The following CNBD1 variants were observed in gnomAD, a reference collection of about 807,000 sequenced individuals.
CNBD1 encodes cyclic nucleotide-binding domain-containing protein 1.
A neutral mutation model predicts 54.4 loss-of-function variants in CNBD1; 71 were observed. The observed-to-expected ratio is 1.30, with a 90% confidence interval of 1.08 to 1.59. CNBD1 has a LOEUF of 1.59. Among genes scored for constraint, CNBD1 ranks in the 40% most tolerant of loss-of-function variants. The probability of loss-of-function intolerance (pLI) is 0.00; values close to 1 mark genes in which losing one functional copy is unlikely to be tolerated. For missense variants in CNBD1, 659 were observed against 518.0 expected, an observed-to-expected ratio of 1.27 and a Z score of -2.64; for synonymous variants, 182 against 170.7, an observed-to-expected ratio of 1.07 and a Z score of -0.51.
In CNBD1 at chr8:87,105,657, T is replaced by C. The variant is rs570552705; in HGVS notation, c.432-100336T>C. 1.1e-4 allele frequency among the ~76,000 whole-genome samples: 17 copies of C among 152,290 alleles called. No homozygotes were observed. In the South Asian group the frequency reaches 3.3e-3, roughly 30 times the overall value. On this transcript the variant is annotated intron_variant, in intron 4 of 10. Coordinates refer to ENST00000518476, the MANE Select transcript of CNBD1 (RefSeq NM_173538.3). ...TGGGAAAAAAGCATGGCCTCCCACC[T>C]GACAAAGAGTATAGCTGCTGTGCCT...
intron 3 of CNBD1, among the ~76,000 whole-genome samples, chr8:86,921,278 T>C (rs192107933): frequency 5.3e-5 from 8 of 152,278 alleles, no homozygotes; most frequent in Admixed American, 5.2e-4. Context: ...AAATTATTCT[T>C]GTTATGACTA....
intron 8 of CNBD1, among the ~76,000 whole-genome samples, chr8:87,342,542 G>A (rs1166513249): frequency 1.3e-5 from 2 of 152,040 alleles, no homozygotes; most frequent in Non-Finnish European, 2.9e-5. Context: ...GGGGGAACCA[G>A]CCCCCAATAT....
chr8:87,231,494 T>C (rs1178985006), intron 5 of CNBD1, among the ~76,000 whole-genome samples: 1 of 152,202 alleles, frequency 6.6e-6, no homozygotes, highest in Non-Finnish European at 1.5e-5. Context: ...CTGCTTTCAG[T>C]TTCCTCAGTT....
chr8:87,060,113 C>T (rs1231939790), intron 4 of CNBD1, among the ~76,000 whole-genome samples: 8 of 152,204 alleles, frequency 5.3e-5, no homozygotes, highest in Admixed American at 6.5e-5. Context: ...TTGCTGACAA[C>T]TTGAATGAAT....
At chr8:87,238,363 A>T (rs752946612) in intron 6 of CNBD1, among the ~76,000 whole-genome samples, 4 of 152,108 alleles carry the variant, frequency 2.6e-5, no homozygotes, top group Admixed American at 2.0e-4. Flanking sequence ...GGGACCATGG[A>T]TATTGCCCAT....
chr8:87,277,178 AT>A (rs1439408711), intron 6 of CNBD1, among the ~76,000 whole-genome samples: 1 of 151,602 alleles, frequency 6.6e-6, no homozygotes, highest in Non-Finnish European at 1.5e-5. Context: ...TGCAGAGGTG[AT>A]GTCCAAGTTT....
At chr8:87,342,744 A>G (rs530143418) in intron 8 of CNBD1, among the ~76,000 whole-genome samples, 1 of 152,272 alleles carries the variant, frequency 6.6e-6, no homozygotes, top group African/African-American at 2.4e-5. Flanking sequence ...GAGGGGGCAC[A>G]CGAACAGGGA....
At chr8:87,084,208 AGT>A (rs1212453256) in intron 4 of CNBD1, among the ~76,000 whole-genome samples, 10 of 152,234 alleles carry the variant, frequency 6.6e-5, no homozygotes, top group African/African-American at 2.4e-4. Context: ...TTTAAACAGT[AGT>A]GTCTTATAAA....
At chr8:87,161,641 T>C (rs1205151468) in intron 4 of CNBD1, among the ~76,000 whole-genome samples, 1 of 152,082 alleles carries the variant, frequency 6.6e-6, no homozygotes, top group Non-Finnish European at 1.5e-5. Flanking sequence ...AATAATAAAT[T>C]TGATGAGTTT....
chr8:86,919,031 A>T (rs7833819), intron 3 of CNBD1, among the ~76,000 whole-genome samples: 63,083 of 148,048 alleles, frequency 0.43, 13,740 homozygotes, highest in African/African-American at 0.56. Flanking sequence ...TTTTTTTTTT[A>T]AAAAAAAAGA....
chr8:87,422,306 T>C (rs1217137932), intron 2 of CNBD1, among the ~76,000 whole-genome samples: 1 of 146,742 alleles, frequency 6.8e-6, no homozygotes, highest in Non-Finnish European at 1.5e-5. Context: ...ATTTTGTCTT[T>C]TGTTGCCATT....
chr8:86,871,209 G>A (rs1379740), intron 1 of CNBD1, among the ~76,000 whole-genome samples: 105,023 of 152,078 alleles, frequency 0.69, 36,855 homozygotes, highest in African/African-American at 0.8. Context: ...GTAAATTGCA[G>A]TGCCTTGCAA....
At chr8:86,891,545 C>T (rs1808768562) in intron 2 of CNBD1, among the ~76,000 whole-genome samples, 1 of 151,898 alleles carries the variant, frequency 6.6e-6, no homozygotes, top group Admixed American at 6.6e-5. Context: ...GCTCTTTTTG[C>T]TTGAGACTCT....
At chr8:87,375,273 T>G (rs1399969781) in intron 10 of CNBD1, among the ~76,000 whole-genome samples, 1 of 151,898 alleles carries the variant, frequency 6.6e-6, no homozygotes, top group Non-Finnish European at 1.5e-5. Flanking sequence ...GTTACAAATT[T>G]CCAGGAACTT....
At chr8:87,375,083 C>A in intron 10 of CNBD1, among the ~76,000 whole-genome samples, 1 of 151,914 alleles carries the variant, frequency 6.6e-6, no homozygotes, top group East Asian at 1.9e-4. Flanking sequence ...TTATACAGTA[C>A]ATTTAGAAAT....
At chr8:87,389,094 C>T (rs546722652) in intron 2 of CNBD1, among the ~76,000 whole-genome samples, 2 of 152,116 alleles carry the variant, frequency 1.3e-5, no homozygotes, top group Non-Finnish European at 2.9e-5. Context: ...ATTGATGGGA[C>T]ATATCTCAAA....
chr8:87,408,241 C>T (rs547656023), intron 2 of CNBD1, among the ~76,000 whole-genome samples: 8 of 151,972 alleles, frequency 5.3e-5, no homozygotes, highest in Non-Finnish European at 1.0e-4. Context: ...TTTGTCAGAC[C>T]TTTTCTTACA....
At chr8:87,379,799 A>C (rs1271783632) in intron 10 of CNBD1, among the ~76,000 whole-genome samples, 2 of 151,972 alleles carry the variant, frequency 1.3e-5, no homozygotes, top group Admixed American at 6.6e-5. Flanking sequence ...TTTCTAAAAA[A>C]TGAAATAAGG....
rs71275901 is a variant in CNBD1 at position 86,951,581 on chromosome 8, CA to C, written c.431+11865del. ...GGTGACAGAGCGAGGCTCCGTCTCA[CA>C]AAAAAAAAAAAAAAAAAAAAAAAAA... On this transcript the variant is annotated intron_variant, in intron 4 of 10. Transcript: ENST00000518476. 1.1e-3 allele frequency among the ~76,000 whole-genome samples: 42 copies of C among 37,350 alleles called. 2 individuals are homozygous for C. The highest frequency in any genetic ancestry group is 3.7e-3 in the African/African-American group (38 of 10,164). 24.5% of individuals were successfully genotyped at this position (37,350 alleles called of 152,430 possible).
Sources: gnomAD v4.1 joint callset for allele counts (sites outside exome capture counted in the v4.1 genomes callset) on GRCh38, gnomAD v4.1.1 for gene constraint, MANE v1.5 for transcripts, NCBI Gene and HGNC (gene_info 2026-07-23, HGNC 2026-07-21) for gene names.